Variants in RBFOX1 observed in about 807,000 individuals in gnomAD.
RBFOX1 encodes RNA binding fox-1 homolog 1.
In RBFOX1, 8 loss-of-function variants were observed where a neutral mutation model predicts 57.7. That is an observed-to-expected ratio of 0.14 (90% CI 0.08 to 0.25). RBFOX1 has a LOEUF of 0.25. Among genes scored for constraint, RBFOX1 ranks in the 10% least tolerant of loss-of-function variants. The pLI is 1.00. For synonymous variants in RBFOX1, 326 were observed against 222.4 expected (o/e 1.47, Z -4.15); for missense variants, 611 against 548.5 (o/e 1.11, Z -1.14).
chr16:6,168,750 TTAACTC>T (rs890538811), intron 1 of RBFOX1, among the ~76,000 whole-genome samples: 9 of 152,290 alleles, frequency 5.9e-5, no homozygotes, highest in African/African-American at 9.6e-5. Flanking sequence ...GGAGTTGTGT[TTAACTC>T]TAAGAGTTCT....
intron 1 of RBFOX1, among the ~76,000 whole-genome samples, chr16:6,192,258 A>G (rs1050078195): frequency 2.6e-5 from 4 of 152,110 alleles, no homozygotes; most frequent in Non-Finnish European, 5.9e-5. Flanking sequence ...CTACCCTATT[A>G]TCTGTAGGGT....
At chr16:5,812,615 A>G (rs2055474970) in intron 3 of RBFOX1, among the ~76,000 whole-genome samples, 1 of 151,844 alleles carries the variant, frequency 6.6e-6, no homozygotes, top group African/African-American at 2.4e-5. Context: ...GTGTGCCATC[A>G]TGTCCAGAAA....
At chr16:5,716,860 C>T (rs1178194586) in intron 3 of RBFOX1, among the ~76,000 whole-genome samples, 1 of 152,222 alleles carries the variant, frequency 6.6e-6, no homozygotes, top group Non-Finnish European at 1.5e-5. Flanking sequence ...GATGCAAACC[C>T]AGGACTCTGC....
At chr16:5,997,563 A>G (rs1012201153) in intron 4 of RBFOX1, among the ~76,000 whole-genome samples, 2 of 152,236 alleles carry the variant, frequency 1.3e-5, no homozygotes, top group African/African-American at 2.4e-5. Flanking sequence ...GAACTCCATG[A>G]AGAATCACCA....
At chr16:6,795,521 A>T (rs764459511) in intron 3 of RBFOX1, among the ~76,000 whole-genome samples, 14 of 152,124 alleles carry the variant, frequency 9.2e-5, no homozygotes, top group Non-Finnish European at 1.6e-4. Context: ...TAATCCCAGC[A>T]CTTTGGGAGG....
intron 3 of RBFOX1, among the ~76,000 whole-genome samples, chr16:5,661,476 T>A (rs1412003138): frequency 6.6e-6 from 1 of 152,188 alleles, no homozygotes; most frequent in Non-Finnish European, 1.5e-5. Flanking sequence ...TATTACCTAG[T>A]CTCCAGTAGA....
At chr16:5,945,129 G>T (rs1220217748) in intron 4 of RBFOX1, among the ~76,000 whole-genome samples, 1 of 152,096 alleles carries the variant, frequency 6.6e-6, no homozygotes, top group Non-Finnish European at 1.5e-5. Flanking sequence ...CATCCATCCA[G>T]GCTTAGATGG....
intron 1 of RBFOX1, among the ~76,000 whole-genome samples, chr16:6,149,034 T>C (rs902781348): frequency 1.3e-5 from 2 of 152,214 alleles, no homozygotes; most frequent in Non-Finnish European, 2.9e-5. Flanking sequence ...ATGTAGATCA[T>C]TGAAATGGAG....
intron 11 of RBFOX1, among the ~76,000 whole-genome samples, chr16:7,634,912 A>G (rs2061523287): frequency 6.6e-6 from 1 of 152,242 alleles, no homozygotes; most frequent in Non-Finnish European, 1.5e-5. Context: ...GTCAAATGGA[A>G]AACATTTGCA....
chr16:7,422,286 G>A (rs1242319710), intron 4 of RBFOX1, among the ~76,000 whole-genome samples: 1 of 152,178 alleles, frequency 6.6e-6, no homozygotes, highest in African/African-American at 2.4e-5. Flanking sequence ...TTCATATCAT[G>A]TAGGCGTCTA....
intron 3 of RBFOX1, among the ~76,000 whole-genome samples, chr16:6,738,672 G>A (rs370515054): frequency 3.3e-5 from 5 of 152,132 alleles, no homozygotes; most frequent in East Asian, 1.9e-4. Flanking sequence ...TACCCCAAAA[G>A]AGCAGAATAC....
chr16:5,263,034 C>T (rs546519536), intron 1 of RBFOX1, among the ~76,000 whole-genome samples: 56 of 151,962 alleles, frequency 3.7e-4, no homozygotes, highest in Non-Finnish European at 7.1e-4. Context: ...TCTTTGGGCT[C>T]CACTGAAGAG....
At chr16:7,297,021 C>G (rs1232973821) in intron 4 of RBFOX1, among the ~76,000 whole-genome samples, 1 of 152,066 alleles carries the variant, frequency 6.6e-6, no homozygotes, top group Non-Finnish European at 1.5e-5. Context: ...GTTGAAAGAT[C>G]CCGTTTTCCA....
chr16:6,710,576 C>G (rs1345260345), intron 3 of RBFOX1, among the ~76,000 whole-genome samples: 3 of 152,186 alleles, frequency 2.0e-5, no homozygotes, highest in East Asian at 1.9e-4. Flanking sequence ...TGATCCGTTA[C>G]CGGAATAGTA....
intron 11 of RBFOX1, among the ~76,000 whole-genome samples, chr16:7,643,413 A>G (rs938734309): frequency 3.9e-5 from 6 of 152,250 alleles, no homozygotes; most frequent in Non-Finnish European, 8.8e-5. Flanking sequence ...TAAAAAAGCA[A>G]TTATATATAG....
intron 3 of RBFOX1, among the ~76,000 whole-genome samples, chr16:7,006,041 A>G (rs1007917561): frequency 2.6e-5 from 4 of 152,214 alleles, no homozygotes; most frequent in African/African-American, 9.6e-5. Flanking sequence ...GTGGTTCCTC[A>G]TGGTATATGT....
In RBFOX1 at chr16:6,518,797, GTCTATCTATCTA is replaced by G. The variant is rs58687392; in HGVS notation, c.-63-135766_-63-135755del. 4.7e-3 allele frequency among the ~76,000 whole-genome samples: 484 copies of G among 104,062 alleles called. 2 individuals are homozygous for G. Among genetic ancestry groups the G allele is most frequent in the Middle Eastern group, 0.01 (2 of 198 alleles). 68.3% of individuals were successfully genotyped at this position (104,062 alleles called of 152,430 possible). On this transcript the variant is annotated intron_variant, in intron 2 of 15. Transcript: ENST00000550418. The stretch of plus-strand genomic sequence containing the variant: ...CATCTGTCTGTCTGTCTGTGTGTCT[GTCTATCTATCTA>G]TCTATCTATCTATCTATCTATCTAT...
At chr16:7,089,686 C>T (rs2060509653) in intron 4 of RBFOX1, among the ~76,000 whole-genome samples, 1 of 152,028 alleles carries the variant, frequency 6.6e-6, no homozygotes, top group African/African-American at 2.4e-5. Context: ...GATGCGTGTC[C>T]CAGACCCCCT....
chr16:6,455,934 C>T (rs1468282240), intron 2 of RBFOX1, among the ~76,000 whole-genome samples: 1 of 152,090 alleles, frequency 6.6e-6, no homozygotes, highest in Admixed American at 6.6e-5. Context: ...CTTAAGATTT[C>T]ATTTTTTCCA....
Sources: gnomAD v4.1 joint callset for allele counts (sites outside exome capture counted in the v4.1 genomes callset) on GRCh38, gnomAD v4.1.1 for gene constraint, MANE v1.5 for transcripts, NCBI Gene and HGNC (gene_info 2026-07-23, HGNC 2026-07-21) for gene names.